MZF1: variants seen among roughly 807,000 people sequenced by gnomAD.
The protein encoded by MZF1 is myeloid zinc finger 1, also known as zinc finger and SCAN domain-containing protein 6.
A neutral mutation model predicts 28.6 loss-of-function variants in MZF1; 24 were observed. The ratio of observed to expected loss-of-function variants is 0.84; its 90% confidence interval spans 0.61 to 1.18. The LOEUF (loss-of-function observed/expected upper bound fraction) is 1.18. Among genes scored for constraint, MZF1 ranks in the 50% most tolerant of loss-of-function variants. The probability of loss-of-function intolerance (pLI) is 0.00; values close to 1 mark genes in which losing one functional copy is unlikely to be tolerated. For synonymous variants in MZF1, 516 were observed against 432.5 expected (o/e 1.19, Z -2.40); for missense variants, 1,166 against 1,026.4 (o/e 1.14, Z -1.86).
At position 58,563,028 on chromosome 19, in the gene MZF1, A is replaced by C; in HGVS notation, c.1249T>G (p.Cys417Gly). The change falls in exon 6 of 6, where the codon TGT becomes GGT. Residue 417 changes from cysteine (C) to glycine (G), a missense_variant. Coordinates refer to ENST00000215057, the MANE Select transcript of MZF1 (RefSeq NM_198055.2). ...GCGCTGCGCACGAAGCCCTGGCCACAGTCGCCGCACACGAACGGCCGCTCC... is the reference window on the plus strand; with the variant it reads ...GCGCTGCGCACGAAGCCCTGGCCACCGTCGCCGCACACGAACGGCCGCTCC... ...TEERPFVCGD[C>G]GQGFVRSARL... 6.2e-7 allele frequency: 1 copy of C among 1,602,088 alleles called. No homozygotes were observed. Among genetic ancestry groups the C allele is most frequent in the South Asian group, 1.1e-5 (1 of 91,042 alleles).
chr19:58,566,458 A>C (rs150538919), intron 5 of MZF1, among the ~76,000 whole-genome samples: 1 of 152,274 alleles, frequency 6.6e-6, no homozygotes, highest in African/African-American at 2.4e-5. Context: ...AAAAGAAAAA[A>C]AAAAGGGAAT....
chr19:58,566,175 G>A (rs1465590771), intron 5 of MZF1, among the ~76,000 whole-genome samples: 1 of 151,246 alleles, frequency 6.6e-6, no homozygotes, highest in Non-Finnish European at 1.5e-5. Flanking sequence ...GGCCAGGCAT[G>A]GTGGCTCACG....
rs755164782 is a variant in MZF1, at chr19:58,563,406, G to C, written c.871C>G (p.Gln291Glu). 2.5e-6 allele frequency: 4 copies of C among 1,594,590 alleles called. No homozygotes were observed. In the African/African-American group the frequency reaches 5.4e-5, roughly 21 times the overall value. The change falls in exon 6 of 6, where the codon CAG becomes GAG. Residue 291 changes from glutamine (Q) to glutamate (E), a missense_variant. Coordinates refer to ENST00000215057, the MANE Select transcript of MZF1 (RefSeq NM_198055.2). The part of the protein sequence containing the change: ...WDLGMAGLSG[Q>E]IQSPSREGGF... Reference sequence around the variant, plus strand: ...CCTTCGCGGGAGGGTGATTGGATCTGGCCAGAAAGGCCAGCCATGCCGAGG... The same window carrying C: ...CCTTCGCGGGAGGGTGATTGGATCTCGCCAGAAAGGCCAGCCATGCCGAGG...
In MZF1 at chr19:58,571,020, G is replaced by A. The variant is rs144089410; in HGVS notation, c.370C>T (p.Arg124Trp). The change falls in exon 2 of 6, where the codon CGG (arginine) becomes TGG (tryptophan). Residue 124 changes from arginine to tryptophan, a missense_variant. Transcript: ENST00000215057. ...EAAALVDGLR[R>W]EPGGPRRWVT... Reference sequence around the variant, plus strand: ...CATCTCCGGGGTCCGCCCGGCTCCCGGCGCAGCCCATCTACTAGGGCAGCA... The same window carrying A: ...CATCTCCGGGGTCCGCCCGGCTCCCAGCGCAGCCCATCTACTAGGGCAGCA... 21 of 1,610,252 alleles carry A rather than the reference G, an allele frequency of 1.3e-5. No homozygotes were observed. The highest frequency in any genetic ancestry group is 7.7e-5 in the South Asian group (7 of 90,966).
In MZF1 at chr19:58,562,837, C is replaced by G. The variant is rs2053958984; in HGVS notation, c.1440G>C (p.Glu480Asp). 1 of 1,536,682 alleles carries G rather than the reference C, an allele frequency of 6.5e-7. No homozygotes were observed. The highest frequency in any genetic ancestry group is 8.7e-7 in the Non-Finnish European group (1 of 1,147,602). The change falls in exon 6 of 6, where the codon GAG becomes GAC. Residue 480 changes from glutamate to aspartate, a missense_variant. Physicochemically the swap from Glu to Asp is conservative, Grantham distance 45 (BLOSUM62 2). Transcript: ENST00000215057. ...AKPPAPPGAP[E>D]PPGPFPCSEC... The stretch of plus-strand genomic sequence containing the variant: ...CGCTGCACGGAAAGGGGCCGGGAGG[C>G]TCGGGCGCACCAGGAGGGGCCGGGG...
At position 58,562,695 on chromosome 19, in the gene MZF1, G is replaced by C; in HGVS notation, c.1582C>G (p.Leu528Val). Reference sequence around the variant, plus strand: ...CTGTGCACGCGCCGGTGCTGCAGCAGCACTGAGCGGCGGCCGAAGCGCTCG... The same window carrying C: ...CTGTGCACGCGCCGGTGCTGCAGCACCACTGAGCGGCGGCCGAAGCGCTCG... ...CGERFGRRSV[L>V]LQHRRVHSGE... Residue 528 changes from leucine to valine, a missense_variant, in exon 6 of 6, where the codon CTG (leucine) becomes GTG (valine). By Grantham distance (32) the Leu-to-Val change is conservative. Transcript: ENST00000215057. 4 of 1,537,432 alleles carry C rather than the reference G, an allele frequency of 2.6e-6. No individual in the cohort carries two copies. The highest frequency in any genetic ancestry group is 3.5e-6 in the Non-Finnish European group (4 of 1,147,908).
Position 58,563,233 on chromosome 19 carries a change from A to T in MZF1, c.1044T>A (p.Thr348=). 1 of 1,610,018 alleles carries T rather than the reference A, an allele frequency of 6.2e-7. No homozygotes were observed. Among genetic ancestry groups the T allele is most frequent in the South Asian group, 1.1e-5 (1 of 90,760 alleles). Reference sequence around the variant, plus strand: ...GGCCGCCCCTAACCACCCCGCCCCCAGTGCTGGGGCGGCCCCGGCTCCGGC... The same window carrying T: ...GGCCGCCCCTAACCACCCCGCCCCCTGTGCTGGGGCGGCCCCGGCTCCGGC... The part of the protein sequence containing the change: ...PRGRSRGRPS[T]GGGVVRGGRC... Residue 348 remains threonine (T), a synonymous_variant, in exon 6 of 6, where the codon ACT becomes ACA. Transcript: ENST00000215057.
intron 5 of MZF1, chr19:58,564,633 A>C (rs183293886): frequency 6.6e-6 from 1 of 152,368 alleles, no homozygotes; most frequent in African/African-American, 2.4e-5. Context: ...ATAAATGGGA[A>C]GACAGTGTGG....
intron 5 of MZF1, among the ~76,000 whole-genome samples, chr19:58,564,824 C>CTGCTGTG (rs2054007368): frequency 6.8e-6 from 1 of 146,084 alleles, no homozygotes; most frequent in Non-Finnish European, 1.5e-5. Context: ...AGAGCACTTG[C>CTGCTGTG]TGCTGTGTAC....
intron 5 of MZF1, 112 bp downstream of exon 5, chr19:58,569,165 A>T: frequency 7.4e-7 from 1 of 1,357,756 alleles, no homozygotes; most frequent in Non-Finnish European, 9.9e-7. Flanking sequence ...GAATGGGGGA[A>T]CTTGGGGATG....
At chr19:58,570,825 G>T in intron 2 of MZF1, 169 bp downstream of exon 2, 1 of 735,150 alleles carries the variant, frequency 1.4e-6, no homozygotes, top group Non-Finnish European at 2.2e-6. Context: ...GGGGAGTCTG[G>T]CCCTGGAATC....
chr19:58,565,459 A>G (rs890254649), intron 5 of MZF1, among the ~76,000 whole-genome samples: 1 of 151,716 alleles, frequency 6.6e-6, no homozygotes, highest in South Asian at 2.1e-4. Context: ...CGATCTCCTG[A>G]CCTCATATGA....
At chr19:58,565,878 C>T (rs951130734) in intron 5 of MZF1, among the ~76,000 whole-genome samples, 29 of 148,034 alleles carry the variant, frequency 2.0e-4, no homozygotes, top group African/African-American at 7.0e-4. Flanking sequence ...CGGTGGCTCA[C>T]GCCTGTAATC....
chr19:58,566,900 AG>A (rs2054067427), intron 5 of MZF1, among the ~76,000 whole-genome samples: 1 of 133,330 alleles, frequency 7.5e-6, no homozygotes. Flanking sequence ...TTTATTCCCA[AG>A]ACTCTTTTTT....
chr19:58,571,522 C>A, intron 1 of MZF1, 93 bp from the exon 2 acceptor site: 1 of 1,178,496 alleles, frequency 8.5e-7, no homozygotes, highest in South Asian at 1.6e-5. Context: ...CTCAGACCTA[C>A]CCCATGTGGA....
chr19:58,562,050 A>T lies in MZF1; in HGVS notation c.*22T>A. 8 of 1,545,544 alleles carry T rather than the reference A, an allele frequency of 5.2e-6. No individual in the cohort carries two copies. Among genetic ancestry groups the T allele is most frequent in the Non-Finnish European group, 7.0e-6 (8 of 1,146,578 alleles). On this transcript the variant is annotated 3_prime_UTR_variant, in exon 6 of 6. Coordinates refer to ENST00000215057, the MANE Select transcript of MZF1 (RefSeq NM_198055.2). Reference sequence around the variant, plus strand: ...GAGGTAGGTGTTCTGACCATGGCGGACACAGTGCGTCCCGGCTGGAGCTAC... The same window carrying T: ...GAGGTAGGTGTTCTGACCATGGCGGTCACAGTGCGTCCCGGCTGGAGCTAC...
chr19:58,570,753 C>T (rs998060902), intron 2 of MZF1: 1 of 648,424 alleles, frequency 1.5e-6, no homozygotes, highest in African/African-American at 1.8e-5. Context: ...AGTACCTTCC[C>T]CATATTCCCC....
At position 58,562,245 on chromosome 19, in the gene MZF1, C is replaced by G. The variant is rs2053939749; in HGVS notation, c.2032G>C (p.Glu678Gln). The change falls in exon 6 of 6, where the codon GAA (glutamate) becomes CAA (glutamine). Residue 678 changes from glutamate (E) to glutamine (Q), a missense_variant. Glu to Gln is a conservative substitution (Grantham distance 29). Coordinates refer to ENST00000215057, the MANE Select transcript of MZF1 (RefSeq NM_198055.2). Reference protein sequence around the residue: ...LTQHRRIHTGERPYACPECGK... With the variant: ...LTQHRRIHTGQRPYACPECGK... Reference sequence around the variant, plus strand: ...CACTCAGGGCATGCGTAGGGCCGTTCACCCGTGTGGATGCGCCGGTGCTGG... The same window carrying G: ...CACTCAGGGCATGCGTAGGGCCGTTGACCCGTGTGGATGCGCCGGTGCTGG... The G allele has an allele frequency of 6.2e-7, 1 of 1,604,838 alleles. No individual in the cohort carries two copies. Among genetic ancestry groups the G allele is most frequent in the Non-Finnish European group, 8.5e-7 (1 of 1,177,094 alleles).
At position 58,571,237 on chromosome 19, in the gene MZF1, G is replaced by A. The variant is rs1170133536; in HGVS notation, c.153C>T (p.Arg51=). Residue 51 remains arginine, a synonymous_variant, in exon 2 of 6, where the codon CGC becomes CGT. Transcript: ENST00000215057. ...EAARLRFRCF[R]YEEATGPQEA... is the part of the protein sequence containing the mutation. ...CTTGGGGCCCTGTGGCCTCCTCATA[G>A]CGGAAGCACCGGAAACGCAGGCGTG... The A allele has an allele frequency of 6.8e-6, 11 of 1,612,640 alleles. No homozygotes were observed. The highest frequency in any genetic ancestry group is 9.3e-6 in the Non-Finnish European group (11 of 1,179,300).
Sources: allele counts gnomAD v4.1 joint callset (sites outside exome capture counted in the v4.1 genomes callset), GRCh38; gene constraint gnomAD v4.1.1; transcripts MANE v1.5; gene names NCBI Gene and HGNC (gene_info 2026-07-23, HGNC 2026-07-21).